FSTL5: variants seen among roughly 807,000 people sequenced by gnomAD.
The protein encoded by FSTL5 is follistatin-related protein 5.
Under a neutral mutation model 89.1 loss-of-function variants are expected in FSTL5, and 62 were observed. That is an observed-to-expected ratio of 0.70 (90% CI 0.57 to 0.86). FSTL5 has a LOEUF of 0.86. Ranked by LOEUF, FSTL5 falls within the 40% of genes least tolerant of loss-of-function variation. FSTL5 has a pLI of 0.00. For synonymous variants in FSTL5, 383 were observed against 346.2 expected (o/e 1.11, Z -1.18); for missense variants, 1,057 against 1,001.6 (o/e 1.06, Z -0.75).
rs188493541 is a variant in FSTL5 at position 161,430,675 on chromosome 4, G to A, written c.1841+24329C>T. ...GAATGGTGTGAACCCGGGAGGCGGAGCTTGCAGTGAGCCAAGATCCGGCTA... is the reference window on the plus strand; with the variant it reads ...GAATGGTGTGAACCCGGGAGGCGGAACTTGCAGTGAGCCAAGATCCGGCTA... On this transcript the variant is annotated intron_variant, in intron 15 of 15. Transcript: ENST00000306100. Among the ~76,000 whole-genome samples the A allele has an allele frequency of 3.9e-3, 588 of 152,310 alleles. 3 individuals carry two copies. Among genetic ancestry groups the A allele is most frequent in the Non-Finnish European group, 6.7e-3 (453 of 68,030 alleles).
chr4:161,521,808 C>T (rs1436741754), intron 10 of FSTL5, among the ~76,000 whole-genome samples: 1 of 130,596 alleles, frequency 7.7e-6, no homozygotes, highest in Non-Finnish European at 1.5e-5. Context: ...GAGATCGCGC[C>T]ACTGCACTCC....
chr4:162,021,351 A>G (rs1018980614), intron 3 of FSTL5, among the ~76,000 whole-genome samples: 4 of 152,214 alleles, frequency 2.6e-5, no homozygotes, highest in African/African-American at 7.2e-5. Flanking sequence ...TTTAGCTTCA[A>G]GCGTTTATTA....
intron 3 of FSTL5, among the ~76,000 whole-genome samples, chr4:161,929,451 T>G (rs895736634): frequency 4.0e-5 from 6 of 151,796 alleles, no homozygotes; most frequent in Non-Finnish European, 8.8e-5. Flanking sequence ...CATCTAAATC[T>G]TTTGCTTTGC....
At chr4:161,926,135 T>A (rs1477302891) in intron 3 of FSTL5, among the ~76,000 whole-genome samples, 1 of 151,908 alleles carries the variant, frequency 6.6e-6, no homozygotes, top group Non-Finnish European at 1.5e-5. Flanking sequence ...AATACTGGAA[T>A]GCCCACAGAA....
chr4:162,048,598 T>TACACAC (rs34979000), intron 2 of FSTL5, among the ~76,000 whole-genome samples: 82 of 149,540 alleles, frequency 5.5e-4, no homozygotes, highest in East Asian at 5.2e-3. Context: ...ATTATACACA[T>TACACAC]ACACACACAC....
chr4:162,104,901 C>T (rs1488213113), intron 2 of FSTL5, among the ~76,000 whole-genome samples: 4 of 152,034 alleles, frequency 2.6e-5, no homozygotes, highest in African/African-American at 9.7e-5. Context: ...GGACAGAGGA[C>T]CTCAGGAAAA....
At chr4:161,838,211 A>G (rs1483452552) in intron 4 of FSTL5, among the ~76,000 whole-genome samples, 2 of 152,218 alleles carry the variant, frequency 1.3e-5, no homozygotes, top group Non-Finnish European at 2.9e-5. Flanking sequence ...TTAAAAAATA[A>G]GGACAAAGGT....
At chr4:162,156,645 GA>G (rs1733484769) in intron 1 of FSTL5, among the ~76,000 whole-genome samples, 1 of 152,156 alleles carries the variant, frequency 6.6e-6, no homozygotes, top group Admixed American at 6.6e-5. Context: ...CACAGGAACA[GA>G]AAACCAAGTA....
rs1349577158 is a variant in FSTL5, at chr4:161,779,781, A to G, written c.410-3707T>C. Among the ~76,000 whole-genome samples, 6 of 39,552 alleles carry G rather than the reference A, an allele frequency of 1.5e-4. 1 individual carries two copies. Among genetic ancestry groups the G allele is most frequent in the African/African-American group, 6.7e-4 (3 of 4,448 alleles). 25.9% of individuals were successfully genotyped at this position (39,552 alleles called of 152,430 possible). ...AAGTTATATATATATATATGTATAT[A>G]TATATATATATATATATATATATAT... On this transcript the variant is annotated intron_variant, in intron 4 of 15. Transcript: ENST00000306100.
In FSTL5 at chr4:161,747,250, G is replaced by T. The variant is rs1198074620; in HGVS notation, c.727+12161C>A. ...AATTACATAAGTGAATCATTGCACA[G>T]CTGATAAATTTTAAGCTACAAAATA... On this transcript the variant is annotated intron_variant, in intron 6 of 15. Transcript: ENST00000306100. 2.0e-5 allele frequency among the ~76,000 whole-genome samples: 3 copies of T among 152,090 alleles called. No homozygotes were observed. The East Asian group carries it at 5.8e-4, about 29-fold the overall frequency.
At chr4:162,044,402 C>A (rs1307982884) in intron 2 of FSTL5, among the ~76,000 whole-genome samples, 1 of 152,108 alleles carries the variant, frequency 6.6e-6, no homozygotes, top group Non-Finnish European at 1.5e-5. Flanking sequence ...ATTCAGTAAA[C>A]CATGCGGTAA....
chr4:161,499,428 A>G (rs1031057083), intron 12 of FSTL5, among the ~76,000 whole-genome samples: 3 of 151,832 alleles, frequency 2.0e-5, no homozygotes, highest in African/African-American at 7.3e-5. Flanking sequence ...CCTTTTTTTC[A>G]TTCTAGGGCA....
At chr4:161,415,337 C>T (rs189882941) in intron 15 of FSTL5, among the ~76,000 whole-genome samples, 1 of 152,172 alleles carries the variant, frequency 6.6e-6, no homozygotes, top group Non-Finnish European at 1.5e-5. Context: ...CTCACTGCAA[C>T]CTCTGCCTCC....
intron 13 of FSTL5, among the ~76,000 whole-genome samples, chr4:161,470,249 T>C (rs1733891682): frequency 6.6e-6 from 1 of 152,182 alleles, no homozygotes; most frequent in South Asian, 2.1e-4. Context: ...AGGTCTTTTA[T>C]TAATTTTGTG....
At chr4:161,963,823 A>T (rs1309731152) in intron 3 of FSTL5, among the ~76,000 whole-genome samples, 1 of 151,950 alleles carries the variant, frequency 6.6e-6, no homozygotes, top group Non-Finnish European at 1.5e-5. Flanking sequence ...CTCATGCTTG[A>T]TACATGTGTA....
rs557767830 is a variant in FSTL5, at chr4:162,046,392, C to T, written c.127-12734G>A. Reference sequence around the variant, plus strand: ...ACTTGAGCTAAGAATTAAAGGATGGCAAAGTAATTTACTCGGGGAAAAGAG... The same window carrying T: ...ACTTGAGCTAAGAATTAAAGGATGGTAAAGTAATTTACTCGGGGAAAAGAG... On this transcript the variant is annotated intron_variant, in intron 2 of 15. Coordinates refer to ENST00000306100, the MANE Select transcript of FSTL5 (RefSeq NM_020116.5). 5.9e-5 allele frequency among the ~76,000 whole-genome samples: 9 copies of T among 152,190 alleles called. No homozygotes were observed. In the East Asian group the frequency reaches 9.7e-4, roughly 16 times the overall value.
At chr4:161,934,140 C>G (rs146021982) in intron 3 of FSTL5, among the ~76,000 whole-genome samples, 1 of 151,892 alleles carries the variant, frequency 6.6e-6, no homozygotes, top group Non-Finnish European at 1.5e-5. Context: ...TTATCATGTC[C>G]CAGCTTAAGC....
Position 161,802,018 on chromosome 4 carries a change from A to G in FSTL5, c.410-25944T>C, listed in dbSNP as rs1442600460. 4.0e-5 allele frequency among the ~76,000 whole-genome samples: 6 copies of G among 151,778 alleles called. No homozygotes were observed. In the East Asian group the frequency reaches 7.7e-4, roughly 20 times the overall value. ...GTGGATAGAATTATTCAGTCATTGAAAAGTCTCATGCCTTTGTAATCTTTT... is the reference window on the plus strand; with the variant it reads ...GTGGATAGAATTATTCAGTCATTGAGAAGTCTCATGCCTTTGTAATCTTTT... On this transcript the variant is annotated intron_variant, in intron 4 of 15. Coordinates refer to ENST00000306100, the MANE Select transcript of FSTL5 (RefSeq NM_020116.5).
intron 4 of FSTL5, among the ~76,000 whole-genome samples, chr4:161,811,507 TAG>T (rs556997661): frequency 3.0e-4 from 45 of 152,290 alleles, no homozygotes; most frequent in African/African-American, 9.4e-4. Context: ...TGAAAAAAGC[TAG>T]AGTTAATCTT....
Sources: gnomAD v4.1 joint callset for allele counts (sites outside exome capture counted in the v4.1 genomes callset) on GRCh38, gnomAD v4.1.1 for gene constraint, MANE v1.5 for transcripts, NCBI Gene and HGNC (gene_info 2026-07-23, HGNC 2026-07-21) for gene names.